Variants in TMEM135 observed in about 807,000 individuals in gnomAD.
TMEM135 encodes the protein transmembrane protein 135.
TMEM135 carries 30 observed loss-of-function variants against 60.3 expected under a neutral mutation model. That is an observed-to-expected ratio of 0.50 (90% CI 0.37 to 0.68). The LOEUF (loss-of-function observed/expected upper bound fraction) is 0.68. Among genes scored for constraint, TMEM135 ranks in the 30% least tolerant of loss-of-function variants. The probability of loss-of-function intolerance (pLI) is 0.00; values close to 1 mark genes in which losing one functional copy is unlikely to be tolerated. For missense variants in TMEM135, 468 were observed against 548.8 expected, an observed-to-expected ratio of 0.85 and a Z score of 1.47; for synonymous variants, 190 against 186.7, an observed-to-expected ratio of 1.02 and a Z score of -0.14.
intron 4 of TMEM135, among the ~76,000 whole-genome samples, chr11:87,145,757 T>C (rs1012669091): frequency 4.6e-5 from 7 of 152,110 alleles, no homozygotes; most frequent in African/African-American, 1.2e-4. Context: ...AGGTCACTTA[T>C]CCATTTTTTT....
intron 3 of TMEM135, among the ~76,000 whole-genome samples, chr11:87,080,517 A>G (rs910755676): frequency 8.6e-5 from 13 of 151,638 alleles, no homozygotes; most frequent in African/African-American, 2.4e-4. Context: ...GGAATTGTCT[A>G]TTTCTCTTTT....
At chr11:87,259,898 GC>G (rs1394500035) in intron 6 of TMEM135, among the ~76,000 whole-genome samples, 1 of 152,160 alleles carries the variant, frequency 6.6e-6, no homozygotes, top group Non-Finnish European at 1.5e-5. Context: ...TAATCACAAA[GC>G]CTCTTTGTAC....
At chr11:87,189,250 T>A (rs1272946406) in intron 5 of TMEM135, among the ~76,000 whole-genome samples, 1 of 147,794 alleles carries the variant, frequency 6.8e-6, no homozygotes, top group African/African-American at 2.5e-5. Context: ...AACCTCTGCT[T>A]CCCGGGTTCA....
At chr11:87,208,137 C>T (rs1414676522) in intron 5 of TMEM135, among the ~76,000 whole-genome samples, 1 of 152,184 alleles carries the variant, frequency 6.6e-6, no homozygotes, top group Non-Finnish European at 1.5e-5. Flanking sequence ...TGAGAAAGAA[C>T]CAGCCAAGAA....
chr11:87,053,196 A>G (rs1462239788), intron 1 of TMEM135, among the ~76,000 whole-genome samples: 2 of 150,778 alleles, frequency 1.3e-5, no homozygotes, highest in East Asian at 3.9e-4. Context: ...GATAGCAAAA[A>G]AAAAAAAAAA....
At chr11:87,178,378 A>G in intron 5 of TMEM135, 1 of 455,290 alleles carries the variant, frequency 2.2e-6, no homozygotes, top group Non-Finnish European at 4.4e-6. Flanking sequence ...TGAAAATTTT[A>G]TATACATGTA....
chr11:87,053,883 T>C (rs11234930), intron 1 of TMEM135, among the ~76,000 whole-genome samples: 1 of 152,188 alleles, frequency 6.6e-6, no homozygotes, highest in Non-Finnish European at 1.5e-5. Context: ...TGATATGCTC[T>C]TAATGTTGTG....
rs1565176372 is a variant in TMEM135 at position 87,328,300 on chromosome 11, C to T, written c.*6967C>T. The stretch of plus-strand genomic sequence containing the variant: ...CAATCTCGTCTTTGAAGGTTTTGCT[C>T]ATCTTTAAAAAATCTTAGTTGATTA... On this transcript the variant is annotated 3_prime_UTR_variant, in exon 15 of 15. Coordinates refer to ENST00000305494, the MANE Select transcript of TMEM135 (RefSeq NM_022918.4). 2.2e-6 allele frequency: 1 copy of T among 453,964 alleles called. No homozygotes were observed. Among genetic ancestry groups the T allele is most frequent in the South Asian group, 1.6e-5 (1 of 64,466 alleles). The allele number at this position is 453,964 out of a possible 1,614,324, so 28.1% of individuals were successfully genotyped here. A position where few individuals can be genotyped will look rare whatever the true frequency, so the allele number is the denominator to read the frequency against.
chr11:87,214,477 C>G (rs1940454261), intron 5 of TMEM135, among the ~76,000 whole-genome samples: 1 of 152,042 alleles, frequency 6.6e-6, no homozygotes. Context: ...GAAGTTACAT[C>G]TTTTTAGGCT....
chr11:87,065,767 A>AT (rs927241886), intron 1 of TMEM135, among the ~76,000 whole-genome samples: 1 of 152,110 alleles, frequency 6.6e-6, no homozygotes, highest in Non-Finnish European at 1.5e-5. Flanking sequence ...GATTTGCTCC[A>AT]TTTTTTCCCC....
intron 13 of TMEM135, chr11:87,319,089 G>C: frequency 4.0e-6 from 2 of 500,718 alleles, no homozygotes; most frequent in South Asian, 2.3e-5. Context: ...GGCTGGTCTC[G>C]AGCTCCTGAT....
intron 5 of TMEM135, among the ~76,000 whole-genome samples, chr11:87,174,932 G>T (rs572435772): frequency 7.9e-4 from 120 of 152,238 alleles, no homozygotes; most frequent in African/African-American, 2.9e-3. Context: ...GAAGAAATTA[G>T]TTTTGAACAC....
At chr11:87,089,266 A>G (rs1469605290) in intron 3 of TMEM135, among the ~76,000 whole-genome samples, 1 of 152,228 alleles carries the variant, frequency 6.6e-6, no homozygotes, top group Non-Finnish European at 1.5e-5. Context: ...GGGGTACGGT[A>G]GCACATGCCT....
chr11:87,087,253 T>A (rs1857115421), intron 3 of TMEM135, among the ~76,000 whole-genome samples: 1 of 149,040 alleles, frequency 6.7e-6, no homozygotes, highest in Non-Finnish European at 1.5e-5. Context: ...CCTGGGTGCA[T>A]GGGGCTTGGT....
At chr11:87,255,258 C>T (rs577814121) in intron 6 of TMEM135, among the ~76,000 whole-genome samples, 2 of 152,172 alleles carry the variant, frequency 1.3e-5, no homozygotes, top group Admixed American at 6.5e-5. Flanking sequence ...ATGTGTTGGC[C>T]CTGAATTTGC....
intron 13 of TMEM135, 142 bp downstream of exon 13, chr11:87,318,377 T>G (rs921956049): frequency 9.9e-5 from 70 of 709,206 alleles, no homozygotes; most frequent in East Asian, 1.6e-4. Context: ...GTTTTGTTTT[T>G]TTTTCAGCAA....
chr11:87,134,411 G>A (rs1938030772), intron 4 of TMEM135, among the ~76,000 whole-genome samples: 1 of 152,152 alleles, frequency 6.6e-6, no homozygotes, highest in Admixed American at 6.5e-5. Flanking sequence ...ATATTTTTTG[G>A]TGGGTTGGGG....
At chr11:87,239,166 G>A (rs1426239491) in intron 6 of TMEM135, among the ~76,000 whole-genome samples, 9 of 151,908 alleles carry the variant, frequency 5.9e-5, no homozygotes, top group African/African-American at 2.2e-4. Flanking sequence ...ACAAGTCTAG[G>A]TTAAAAACAA....
intron 1 of TMEM135, among the ~76,000 whole-genome samples, chr11:87,046,203 C>T (rs908290627): frequency 2.6e-5 from 4 of 152,064 alleles, no homozygotes; most frequent in South Asian, 2.1e-4. Flanking sequence ...GTCAGGAGTT[C>T]GAGACCAGCC....
Sources: gnomAD v4.1 joint callset for allele counts (sites outside exome capture counted in the v4.1 genomes callset) on GRCh38, gnomAD v4.1.1 for gene constraint, MANE v1.5 for transcripts, NCBI Gene and HGNC (gene_info 2026-07-23, HGNC 2026-07-21) for gene names.